TCF4: variants seen among roughly 807,000 people sequenced by gnomAD.
TCF4 encodes the protein SL3-3 enhancer factor 2.
Under a neutral mutation model 82.1 loss-of-function variants are expected in TCF4, and 3 were observed. That is an observed-to-expected ratio of 0.04 (90% CI 0.02 to 0.09). TCF4 has a LOEUF of 0.09. Among genes scored for constraint, TCF4 ranks in the 10% least tolerant of loss-of-function variants. The probability of loss-of-function intolerance (pLI) is 1.00; values close to 1 mark genes in which losing one functional copy is unlikely to be tolerated. For synonymous variants in TCF4, 276 were observed against 309.6 expected, an observed-to-expected ratio of 0.89 and a Z score of 1.14; for missense variants, 518 against 852.7, an observed-to-expected ratio of 0.61 and a Z score of 4.89.
intron 2 of TCF4, among the ~76,000 whole-genome samples, chr18:55,612,275 G>A (rs1031841831): frequency 3.3e-5 from 5 of 152,118 alleles, no homozygotes; most frequent in African/African-American, 1.2e-4. Context: ...CTCTTGAATT[G>A]AGTGAGAGTT....
chr18:55,553,093 T>A (rs891145894), intron 3 of TCF4: 3 of 152,186 alleles, frequency 2.0e-5, no homozygotes, highest in Non-Finnish European at 4.4e-5. Context: ...TCCTATGGTA[T>A]CACACACACA....
At chr18:55,452,398 T>C (rs558735339) in intron 5 of TCF4, 1 of 152,460 alleles carries the variant, frequency 6.6e-6, no homozygotes, top group East Asian at 1.9e-4. Context: ...CATGGTGACA[T>C]GGCAGGTTGC....
At chr18:55,622,408 G>C (rs1374990895) in intron 2 of TCF4, among the ~76,000 whole-genome samples, 1 of 150,894 alleles carries the variant, frequency 6.6e-6, no homozygotes, top group East Asian at 2.0e-4. Context: ...TCGGGAGGCT[G>C]ACGCAGGAGA....
rs879510235 is a variant in TCF4 at position 55,436,835 on chromosome 18, G to GCAACAA, written c.304+24178_304+24183dup. Among the ~76,000 whole-genome samples the GCAACAA allele has an allele frequency of 3.9e-5, 6 of 152,098 alleles. No homozygotes were observed. In the South Asian group the frequency reaches 1.0e-3, roughly 26 times the overall value. ...ACGTCACTATTTTACAGACTGAACA[G>GCAACAA]CAACAACAACAACAACAAAACTCAT... On this transcript the variant is annotated intron_variant, in intron 5 of 19. Transcript: ENST00000354452.
intron 3 of TCF4, among the ~76,000 whole-genome samples, chr18:55,473,537 A>G (rs2096230804): frequency 6.6e-6 from 1 of 152,072 alleles, no homozygotes; most frequent in African/African-American, 2.4e-5. Context: ...CCATAAACTG[A>G]TTTTCATTTT....
chr18:55,275,411 A>G (rs576291585), intron 10 of TCF4, among the ~76,000 whole-genome samples: 1 of 152,300 alleles, frequency 6.6e-6, no homozygotes, highest in African/African-American at 2.4e-5. Flanking sequence ...AAACAAAAGA[A>G]CAATGCCAGA....
chr18:55,507,422 C>T (rs925724602), intron 3 of TCF4, among the ~76,000 whole-genome samples: 1 of 152,032 alleles, frequency 6.6e-6, no homozygotes, highest in Non-Finnish European at 1.5e-5. Flanking sequence ...TGGCAAAGGA[C>T]AGTGCAGATT....
chr18:55,450,719 G>C (rs2095607547), intron 5 of TCF4, among the ~76,000 whole-genome samples: 1 of 152,102 alleles, frequency 6.6e-6, no homozygotes, highest in South Asian at 2.1e-4. Context: ...GAAATGAAGT[G>C]GAATAGGACT....
At chr18:55,525,846 C>T (rs1451766677) in intron 3 of TCF4, among the ~76,000 whole-genome samples, 1 of 152,080 alleles carries the variant, frequency 6.6e-6, no homozygotes, top group Admixed American at 6.6e-5. Flanking sequence ...TACAATAAGG[C>T]TTACCCCAGT....
intron 15 of TCF4, among the ~76,000 whole-genome samples, chr18:55,236,276 C>G (rs1379769938): frequency 6.6e-6 from 1 of 152,098 alleles, no homozygotes; most frequent in South Asian, 2.1e-4. Flanking sequence ...GTGCCTGTGT[C>G]GCAACACAGA....
intron 8 of TCF4, chr18:55,321,745 G>T (rs1300362730): frequency 6.5e-7 from 1 of 1,535,766 alleles, no homozygotes; most frequent in African/African-American, 1.4e-5. Context: ...ACATGGTCTC[G>T]GATTCTTTTT....
intron 5 of TCF4, among the ~76,000 whole-genome samples, chr18:55,434,718 T>C (rs997911359): frequency 2.4e-4 from 36 of 150,846 alleles, no homozygotes; most frequent in East Asian, 5.9e-4. Flanking sequence ...TGAGCCACCG[T>C]GCCCGGCCAG....
At chr18:55,409,280 T>C (rs958583072) in intron 5 of TCF4, among the ~76,000 whole-genome samples, 1 of 152,060 alleles carries the variant, frequency 6.6e-6, no homozygotes, top group African/African-American at 2.4e-5. Context: ...TACGAACTGT[T>C]ACAAGCTATT....
intron 3 of TCF4, among the ~76,000 whole-genome samples, chr18:55,584,383 T>C (rs2097611855): frequency 6.6e-6 from 1 of 152,124 alleles, no homozygotes; most frequent in African/African-American, 2.4e-5. Flanking sequence ...ATACTGCAGC[T>C]GTTTAACAAG....
At chr18:55,407,767 TG>T (rs1352468837) in intron 5 of TCF4, among the ~76,000 whole-genome samples, 1 of 152,112 alleles carries the variant, frequency 6.6e-6, no homozygotes, top group Non-Finnish European at 1.5e-5. Context: ...GGTTAACAAA[TG>T]TCTATAGAAT....
chr18:55,295,271 G>T (rs572562079), intron 8 of TCF4, among the ~76,000 whole-genome samples: 2 of 152,174 alleles, frequency 1.3e-5, no homozygotes, highest in Non-Finnish European at 2.9e-5. Context: ...GGCTGCAGGT[G>T]TGTCATTCCT....
chr18:55,267,739 A>G (rs1040701492), intron 11 of TCF4: 2 of 152,086 alleles, frequency 1.3e-5, no homozygotes, highest in African/African-American at 4.8e-5. Flanking sequence ...CCGCTAGTGG[A>G]TTTTGACAAG....
Position 55,461,133 on chromosome 18 carries a change from G to A in TCF4, c.208-18C>T. On this transcript the variant is annotated intron_variant, in intron 4 of 19. Transcript: ENST00000354452. Reference sequence around the variant, plus strand: ...CCATAGTTCTGTAAATAAAATGACAGTGTAAGTTATTATTTTATATTAATA... The same window carrying A: ...CCATAGTTCTGTAAATAAAATGACAATGTAAGTTATTATTTTATATTAATA... 1 of 1,587,644 alleles carries A rather than the reference G, an allele frequency of 6.3e-7. No individual in the cohort carries two copies. Among genetic ancestry groups the A allele is most frequent in the Non-Finnish European group, 8.6e-7 (1 of 1,158,378 alleles).
intron 3 of TCF4, among the ~76,000 whole-genome samples, chr18:55,485,276 C>A (rs2096497666): frequency 6.6e-6 from 1 of 152,164 alleles, no homozygotes; most frequent in Non-Finnish European, 1.5e-5. Flanking sequence ...CCATTTGAGT[C>A]AGGGTTTTCT....
Sources: allele counts gnomAD v4.1 joint callset (sites outside exome capture counted in the v4.1 genomes callset), GRCh38; gene constraint gnomAD v4.1.1; transcripts MANE v1.5; gene names NCBI Gene and HGNC (gene_info 2026-07-23, HGNC 2026-07-21).